STXBP5L: variants seen among roughly 807,000 people sequenced by gnomAD.
STXBP5L encodes syntaxin binding protein 5L.
Under a neutral mutation model 144.5 loss-of-function variants are expected in STXBP5L, and 65 were observed. The observed-to-expected ratio is 0.45, with a 90% CI of 0.37 to 0.55. The LOEUF (loss-of-function observed/expected upper bound fraction) is 0.55. STXBP5L is among the 20% of genes least tolerant of loss of function. STXBP5L has a pLI of 0.00. For synonymous variants in STXBP5L, 505 were observed against 469.6 expected, an observed-to-expected ratio of 1.08 and a Z score of -0.97; for missense variants, 1,298 against 1,405.5, an observed-to-expected ratio of 0.92 and a Z score of 1.22.
At chr3:121,002,874 A>G (rs1055312372) in intron 3 of STXBP5L, among the ~76,000 whole-genome samples, 2 of 152,164 alleles carry the variant, frequency 1.3e-5, no homozygotes, top group Non-Finnish European at 2.9e-5. Context: ...GTCCCTACAA[A>G]GAACATGAAC....
Position 121,134,805 on chromosome 3 carries a change from T to C in STXBP5L, c.669+13101T>C, listed in dbSNP as rs192845613. On this transcript the variant is annotated intron_variant, in intron 7 of 26. Coordinates refer to ENST00000471454, the MANE Select transcript of STXBP5L (RefSeq NM_001308330.2). ...CATATTTTCTTAATCCAGTCTATCA[T>C]TGATGGGCATTTGGGTTGGTTCCAA... Among the ~76,000 whole-genome samples, 109 of 152,360 alleles carry C rather than the reference T, an allele frequency of 7.2e-4. 1 individual carries two copies. The East Asian group carries it at 0.015, about 22-fold the overall frequency.
At chr3:121,349,622 T>C (rs2045181121) in intron 20 of STXBP5L, among the ~76,000 whole-genome samples, 1 of 152,150 alleles carries the variant, frequency 6.6e-6, no homozygotes, top group Non-Finnish European at 1.5e-5. Context: ...AAGGACTTGC[T>C]TTATGAATCT....
chr3:121,321,637 A>G (rs1256137537), intron 20 of STXBP5L, among the ~76,000 whole-genome samples: 1 of 152,190 alleles, frequency 6.6e-6, no homozygotes, highest in East Asian at 1.9e-4. Flanking sequence ...TCTCCAGATC[A>G]CTTGAGAATC....
chr3:121,135,892 G>A (rs759081074), intron 7 of STXBP5L, among the ~76,000 whole-genome samples: 2 of 152,142 alleles, frequency 1.3e-5, no homozygotes, highest in Non-Finnish European at 2.9e-5. Context: ...GTGGCCTCAA[G>A]CCCCCACTAA....
chr3:121,000,213 G>A (rs1284685444), intron 3 of STXBP5L, among the ~76,000 whole-genome samples: 1 of 152,094 alleles, frequency 6.6e-6, no homozygotes. Flanking sequence ...ATTACAAGTT[G>A]CTTGCTCTCT....
chr3:121,215,394 C>T (rs770027697), intron 10 of STXBP5L, among the ~76,000 whole-genome samples: 1 of 152,106 alleles, frequency 6.6e-6, no homozygotes, highest in Non-Finnish European at 1.5e-5. Flanking sequence ...GTAAGGCAGG[C>T]CTTGTGGTGG....
intron 5 of STXBP5L, among the ~76,000 whole-genome samples, chr3:121,067,932 A>G (rs1179985871): frequency 1.3e-5 from 2 of 152,246 alleles, no homozygotes; most frequent in African/African-American, 2.4e-5. Flanking sequence ...CATGGCATAT[A>G]TATTTCCATT....
rs1451042287 is a variant in STXBP5L at position 121,414,801 on chromosome 3, A to C, written c.3115-1056A>C. On this transcript the variant is annotated intron_variant, in intron 24 of 26. Coordinates refer to ENST00000471454, the MANE Select transcript of STXBP5L (RefSeq NM_001308330.2). ...TATCCCAAGGGCAGTGGTCATTAAA[A>C]AGTTTTAGCAGATTTGTTTATTAAA... is the stretch of plus-strand genomic sequence containing the variant. Among the ~76,000 whole-genome samples, 3 of 152,354 alleles carry C rather than the reference A, an allele frequency of 2.0e-5. No homozygotes were observed. In the East Asian group the frequency reaches 5.8e-4, roughly 29 times the overall value.
chr3:121,087,595 G>A (rs9827891), intron 5 of STXBP5L, among the ~76,000 whole-genome samples: 15,094 of 151,856 alleles, frequency 0.099, 1,178 homozygotes, highest in Admixed American at 0.2. Context: ...ATAGACAAGC[G>A]TATAGTTGGG....
At chr3:121,006,127 G>T (rs1327898914) in intron 3 of STXBP5L, among the ~76,000 whole-genome samples, 2 of 150,710 alleles carry the variant, frequency 1.3e-5, no homozygotes, top group African/African-American at 5.0e-5. Context: ...CTGTCTCGTT[G>T]TTCTGTCTAA....
chr3:120,908,301 C>G lies in STXBP5L; in HGVS notation c.-42C>G, dbSNP rs1238658528. 1 of 152,424 alleles carries G rather than the reference C, an allele frequency of 6.6e-6. No homozygotes were observed. The highest frequency in any genetic ancestry group is 2.4e-5 in the African/African-American group (1 of 41,458). The allele number at this position is 152,424 out of a possible 1,614,324, so 9.4% of individuals were successfully genotyped here. Reference sequence around the variant, plus strand: ...GCCTACCTCGGCCCCCTCAGCTTCCCGGGCTGGCAGGCGGCTAGAGGCGTC... The same window carrying G: ...GCCTACCTCGGCCCCCTCAGCTTCCGGGGCTGGCAGGCGGCTAGAGGCGTC... On this transcript the variant is annotated 5_prime_UTR_variant, in exon 1 of 27. Transcript: ENST00000471454.
At position 121,113,297 on chromosome 3, in the gene STXBP5L, A is replaced by T. The variant is rs529577698; in HGVS notation, c.471-1628A>T. On this transcript the variant is annotated intron_variant, in intron 5 of 26. Transcript: ENST00000471454. ...CTGTCCCTGTAATTCAGAAAGGATGATCTTAGTCCTCTTTAAAGTAAGTTT... is the reference window on the plus strand; with the variant it reads ...CTGTCCCTGTAATTCAGAAAGGATGTTCTTAGTCCTCTTTAAAGTAAGTTT... Among the ~76,000 whole-genome samples, 5 of 152,218 alleles carry T rather than the reference A, an allele frequency of 3.3e-5. No individual in the cohort carries two copies. In the South Asian group the frequency reaches 1.0e-3, roughly 32 times the overall value.
intron 18 of STXBP5L, among the ~76,000 whole-genome samples, chr3:121,276,613 G>C (rs566929711): frequency 2.0e-5 from 3 of 151,652 alleles, no homozygotes; most frequent in African/African-American, 7.2e-5. Context: ...TATTTGCTGG[G>C]TATACAATTT....
intron 2 of STXBP5L, among the ~76,000 whole-genome samples, chr3:120,929,193 T>C (rs1355560250): frequency 6.6e-6 from 1 of 152,140 alleles, no homozygotes; most frequent in Non-Finnish European, 1.5e-5. Flanking sequence ...CTGGTAGTCA[T>C]TGGCCATTTC....
chr3:121,005,229 G>A (rs1019737506), intron 3 of STXBP5L, among the ~76,000 whole-genome samples: 5 of 152,146 alleles, frequency 3.3e-5, no homozygotes, highest in Admixed American at 6.6e-5. Flanking sequence ...CAATTTCAGA[G>A]CCTGTTTTTG....
At chr3:121,005,645 G>C (rs1207505075) in intron 3 of STXBP5L, among the ~76,000 whole-genome samples, 1 of 152,048 alleles carries the variant, frequency 6.6e-6, no homozygotes, top group Non-Finnish European at 1.5e-5. Context: ...TGTGATGTTA[G>C]GGTGTCAATT....
At chr3:121,205,680 A>G (rs1173304512) in intron 9 of STXBP5L, among the ~76,000 whole-genome samples, 2 of 152,228 alleles carry the variant, frequency 1.3e-5, no homozygotes, top group Non-Finnish European at 2.9e-5. Flanking sequence ...GTAAAGTGAT[A>G]AAAGTTATAT....
Position 121,034,573 on chromosome 3 carries a change from CATCT to C in STXBP5L, c.288-7120_288-7117del, listed in dbSNP as rs200790845. Among the ~76,000 whole-genome samples the C allele has an allele frequency of 3.4e-3, 506 of 148,848 alleles. 3 individuals carry two copies. The highest frequency in any genetic ancestry group is 9.0e-3 in the African/African-American group (362 of 40,038). ...CTATCTATCCATCCATCCATCCATC[CATCT>C]ATCTATGTATCTATCTAGCTCACAT... On this transcript the variant is annotated intron_variant, in intron 3 of 26. Transcript: ENST00000471454.
intron 22 of STXBP5L, among the ~76,000 whole-genome samples, chr3:121,404,504 C>G (rs1305152731): frequency 6.6e-6 from 1 of 152,044 alleles, no homozygotes; most frequent in African/African-American, 2.4e-5. Flanking sequence ...TTCTCAAAAT[C>G]CTTCCATCTC....
Sources: allele counts gnomAD v4.1 joint callset (sites outside exome capture counted in the v4.1 genomes callset), GRCh38; gene constraint gnomAD v4.1.1; transcripts MANE v1.5; gene names NCBI Gene and HGNC (gene_info 2026-07-23, HGNC 2026-07-21).